MEF2A: variants seen among roughly 807,000 people sequenced by gnomAD.
MEF2A encodes the protein myocyte enhancer factor 2A.
MEF2A carries 28 observed loss-of-function variants against 55.8 expected under a neutral mutation model. That is an observed-to-expected ratio of 0.50 (90% CI 0.37 to 0.69). The LOEUF (loss-of-function observed/expected upper bound fraction) is 0.69, where lower values mean the gene tolerates loss of function less well. Among genes scored for constraint, MEF2A ranks in the 30% least tolerant of loss-of-function variants. The pLI is 0.00. For synonymous variants in MEF2A, 239 were observed against 227.1 expected (o/e 1.05, Z -0.47); for missense variants, 528 against 626.2 (o/e 0.84, Z 1.67).
intron 2 of MEF2A, among the ~76,000 whole-genome samples, chr15:99,598,827 G>C (rs1472695020): frequency 1.3e-5 from 2 of 152,090 alleles, no homozygotes; most frequent in Non-Finnish European, 2.9e-5. Context: ...GTAGGTAGTT[G>C]GTAGTTACTG....
At position 99,627,419 on chromosome 15, in the gene MEF2A, C is replaced by CAAAAAAA. The variant is rs139658538; in HGVS notation, c.-142-5534_-142-5528dup. On this transcript the variant is annotated intron_variant, in intron 2 of 11. Coordinates refer to ENST00000557942, the MANE Select transcript of MEF2A (RefSeq NM_001319206.4). ...TGGGCGACAGAGTGAGACTTTATCT[C>CAAAAAAA]AAAAAAAAAAAAAAAAAAAAAAAAA... Among the ~76,000 whole-genome samples the CAAAAAAA allele has an allele frequency of 4.2e-4, 18 of 43,056 alleles. 2 individuals carry two copies. Among genetic ancestry groups the CAAAAAAA allele is most frequent in the African/African-American group, 1.6e-3 (15 of 9,132 alleles). 28.2% of individuals were successfully genotyped at this position (43,056 alleles called of 152,430 possible). A position where few individuals can be genotyped will look rare whatever the true frequency, so the allele number is the denominator to read the frequency against.
intron 7 of MEF2A, among the ~76,000 whole-genome samples, chr15:99,676,513 A>T (rs1310886307): frequency 1.3e-5 from 2 of 152,040 alleles, no homozygotes; most frequent in East Asian, 1.9e-4. Context: ...CTAGAAGTAA[A>T]GTAAACCAGA....
intron 8 of MEF2A, among the ~76,000 whole-genome samples, chr15:99,690,824 G>A (rs950909661): frequency 1.3e-5 from 2 of 152,160 alleles, no homozygotes; most frequent in Non-Finnish European, 2.9e-5. Context: ...ACGGGATGAA[G>A]AGCGGTTGAT....
chr15:99,565,974 C>G (rs984701693), upstream of MEF2A: 2 of 152,228 alleles, frequency 1.3e-5, no homozygotes, highest in Non-Finnish European at 2.9e-5. Flanking sequence ...AAAATAGCCC[C>G]GGTGTGGGGA....
chr15:99,568,518 A>G (rs1960731201), intron 1 of MEF2A, among the ~76,000 whole-genome samples: 1 of 152,214 alleles, frequency 6.6e-6, no homozygotes, highest in African/African-American at 2.4e-5. Flanking sequence ...AAAAAGAGGA[A>G]TATTGAATTA....
chr15:99,644,178 A>G (rs1247978254), intron 3 of MEF2A, among the ~76,000 whole-genome samples: 1 of 152,180 alleles, frequency 6.6e-6, no homozygotes, highest in East Asian at 1.9e-4. Flanking sequence ...TGTTAAAGAG[A>G]TTAGATCTAC....
intron 4 of MEF2A, among the ~76,000 whole-genome samples, chr15:99,655,060 G>T (rs1237327263): frequency 6.6e-6 from 1 of 152,090 alleles, no homozygotes; most frequent in Non-Finnish European, 1.5e-5. Flanking sequence ...AAACACAGTG[G>T]TAGAGAAAGG....
chr15:99,666,379 A>G (rs1161991875), intron 4 of MEF2A, among the ~76,000 whole-genome samples: 1 of 152,106 alleles, frequency 6.6e-6, no homozygotes, highest in Non-Finnish European at 1.5e-5. Flanking sequence ...CATAAGTGGG[A>G]GTTGAACAAT....
At chr15:99,688,879 A>G (rs1336552742) in intron 7 of MEF2A, among the ~76,000 whole-genome samples, 21 of 152,166 alleles carry the variant, frequency 1.4e-4, no homozygotes, top group Admixed American at 1.4e-3. Flanking sequence ...TCATTACCAC[A>G]TCCAGTCACT....
chr15:99,613,897 A>G (rs1284489985), intron 2 of MEF2A, among the ~76,000 whole-genome samples: 1 of 152,240 alleles, frequency 6.6e-6, no homozygotes, highest in Non-Finnish European at 1.5e-5. Context: ...TCTACTACTG[A>G]AAAGTACCAT....
intron 2 of MEF2A, among the ~76,000 whole-genome samples, chr15:99,612,964 G>A (rs542439000): frequency 9.9e-5 from 15 of 151,942 alleles, no homozygotes; most frequent in African/African-American, 2.9e-4. Flanking sequence ...TCAAGGAAAC[G>A]GGAGAGAGAG....
intron 3 of MEF2A, among the ~76,000 whole-genome samples, chr15:99,639,004 T>G (rs2153446216): frequency 6.6e-6 from 1 of 152,184 alleles, no homozygotes; most frequent in East Asian, 1.9e-4. Flanking sequence ...CAACAACTAC[T>G]CCCTCTAACC....
intron 11 of MEF2A, among the ~76,000 whole-genome samples, chr15:99,711,189 T>C (rs1347536775): frequency 1.3e-5 from 2 of 152,206 alleles, no homozygotes; most frequent in African/African-American, 4.8e-5. Flanking sequence ...CCTGCCACCC[T>C]TGCCATTGAC....
chr15:99,644,877 G>A (rs1225396401), intron 3 of MEF2A, among the ~76,000 whole-genome samples: 1 of 152,138 alleles, frequency 6.6e-6, no homozygotes, highest in Non-Finnish European at 1.5e-5. Context: ...GAGCTTCAGA[G>A]TATTTGAAGT....
At chr15:99,593,150 C>G (rs1969921477) in intron 1 of MEF2A, among the ~76,000 whole-genome samples, 1 of 152,146 alleles carries the variant, frequency 6.6e-6, no homozygotes, top group Non-Finnish European at 1.5e-5. Context: ...ATTTCAGGAG[C>G]ACTTTCTCTC....
At chr15:99,571,441 C>T (rs1028531193) in intron 1 of MEF2A, among the ~76,000 whole-genome samples, 2 of 152,160 alleles carry the variant, frequency 1.3e-5, no homozygotes, top group East Asian at 3.8e-4. Context: ...CCATTACTAT[C>T]GTTACTACTA....
intron 1 of MEF2A, among the ~76,000 whole-genome samples, chr15:99,573,395 A>G (rs1963203196): frequency 2.0e-5 from 3 of 152,008 alleles, no homozygotes; most frequent in African/African-American, 7.2e-5. Flanking sequence ...TTTCCAAATT[A>G]TAATCTTACT....
chr15:99,619,124 T>G (rs1052446080), intron 2 of MEF2A, among the ~76,000 whole-genome samples: 5 of 152,104 alleles, frequency 3.3e-5, no homozygotes, highest in African/African-American at 9.7e-5. Context: ...TTTCTTTATG[T>G]CTCTAGGGTT....
intron 8 of MEF2A, among the ~76,000 whole-genome samples, chr15:99,700,185 T>TACACACACACACACACACACACACAC (rs371094810): frequency 1.0e-5 from 1 of 100,396 alleles, no homozygotes; most frequent in Non-Finnish European, 2.0e-5. Flanking sequence ...TGTGTGTATA[T>TACACACACACACACACACACACACAC]ATACACACAC....
Sources: allele counts gnomAD v4.1 joint callset (sites outside exome capture counted in the v4.1 genomes callset), GRCh38; gene constraint gnomAD v4.1.1; transcripts MANE v1.5; gene names NCBI Gene and HGNC (gene_info 2026-07-23, HGNC 2026-07-21).